Variants in MATN1 observed in about 807,000 individuals in gnomAD.
MATN1 encodes the protein matrilin-1.
MATN1 carries 34 observed loss-of-function variants against 41.3 expected under a neutral mutation model. The observed-to-expected ratio is 0.82, with a 90% CI of 0.63 to 1.10. The LOEUF (loss-of-function observed/expected upper bound fraction) is 1.10, where lower values mean the gene tolerates loss of function less well. MATN1 is among the 50% of genes least tolerant of loss of function. The probability of loss-of-function intolerance (pLI) is 0.00; values close to 1 mark genes in which losing one functional copy is unlikely to be tolerated. For missense variants in MATN1, 602 were observed against 662.4 expected, an observed-to-expected ratio of 0.91 and a Z score of 1.00; for synonymous variants, 264 against 278.7, an observed-to-expected ratio of 0.95 and a Z score of 0.53.
intron 6 of MATN1, 114 bp from the exon 7 acceptor site, chr1:30,714,441 G>T: frequency 1.2e-6 from 1 of 806,966 alleles, no homozygotes; most frequent in Non-Finnish European, 2.1e-6. Context: ...GAGGTGAGGG[G>T]CTTAAGGGAC....
At chr1:30,720,547 G>A (rs1458875931) in intron 2 of MATN1, 3 of 152,430 alleles carry the variant, frequency 2.0e-5, no homozygotes, top group East Asian at 1.9e-4. Context: ...TACCACCTCC[G>A]AGCAGAATCA....
chr1:30,716,685 G>A, intron 4 of MATN1, 105 bp downstream of exon 4: 1 of 1,436,606 alleles, frequency 7.0e-7, no homozygotes, highest in Non-Finnish European at 9.3e-7. Flanking sequence ...TTTGAAGATT[G>A]GTTCAGAGGT....
chr1:30,721,615 G>A lies in MATN1; in HGVS notation c.231C>T (p.Ala77=). Residue 77 remains alanine (A), a synonymous_variant, in exon 2 of 8, where the codon GCC becomes GCT. Transcript: ENST00000373765. ...VIESLDVGPN[A]TRVGMVNYAS... ...CATAGTTGACCATGCCCACCCGGGT[G>A]GCATTGGGCCCCACGTCCAGCGACT... 1.2e-6 allele frequency: 2 copies of A among 1,613,558 alleles called. No homozygotes were observed. The highest frequency in any genetic ancestry group is 1.7e-6 in the Non-Finnish European group (2 of 1,180,046).
intron 3 of MATN1, among the ~76,000 whole-genome samples, chr1:30,718,223 A>G (rs1225528620): frequency 7.2e-6 from 1 of 139,142 alleles, no homozygotes; most frequent in East Asian, 2.3e-4. Context: ...CCCGACGCTG[A>G]CTTTTTCTGT....
Position 30,718,856 on chromosome 1 carries a change from G to A in MATN1, c.543C>T (p.Gly181=). Residue 181 remains glycine (G), a synonymous_variant, in exon 3 of 8, where the codon GGC becomes GGT. Coordinates refer to ENST00000373765, the MANE Select transcript of MATN1 (RefSeq NM_002379.3). ...GCCGCAGCGTGGCCTTGTCCACGCT[G>A]CCCACTCCGATGGCGAACAGCTCGA... The part of the protein sequence containing the change: ...SGVELFAIGV[G]SVDKATLRQI... The A allele has an allele frequency of 6.2e-7, 1 of 1,606,834 alleles. No homozygotes were observed. The highest frequency in any genetic ancestry group is 8.5e-7 in the Non-Finnish European group (1 of 1,178,260).
At position 30,721,695 on chromosome 1, in the gene MATN1, T is replaced by C; in HGVS notation, c.151A>G (p.Ser51Gly). 6.2e-7 allele frequency: 1 copy of C among 1,613,106 alleles called. No individual in the cohort carries two copies. Among genetic ancestry groups the C allele is most frequent in the South Asian group, 1.1e-5 (1 of 91,078 alleles). ...DLVFVVDSSR[S>G]VRPVEFEKVK... ...TTCTCAAATTCAACAGGCCGAACGCTGCGAGAGCTGTCGACAACAAACACC... is the reference window on the plus strand; with the variant it reads ...TTCTCAAATTCAACAGGCCGAACGCCGCGAGAGCTGTCGACAACAAACACC... The change falls in exon 2 of 8, where the codon AGC (serine) becomes GGC (glycine). Residue 51 changes from serine to glycine, a missense_variant. By Grantham distance (56) the Ser-to-Gly change is moderately conservative. Transcript: ENST00000373765.
chr1:30,721,771 G>A lies in MATN1; in HGVS notation c.95-20C>T. Reference sequence around the variant, plus strand: ...GATGGCCTGGGAGTGGGGCAGGAGGGGTAAGGCAGAGAGCAGAGACACAGG... The same window carrying A: ...GATGGCCTGGGAGTGGGGCAGGAGGAGTAAGGCAGAGAGCAGAGACACAGG... On this transcript the variant is annotated intron_variant, in intron 1 of 7. Coordinates refer to ENST00000373765, the MANE Select transcript of MATN1 (RefSeq NM_002379.3). 6.3e-7 allele frequency: 1 copy of A among 1,588,184 alleles called. No individual in the cohort carries two copies. The highest frequency in any genetic ancestry group is 8.6e-7 in the Non-Finnish European group (1 of 1,166,656).
chr1:30,718,668 TGG>T, intron 3 of MATN1, 65 bp downstream of exon 3: 1 of 1,086,238 alleles, frequency 9.2e-7, no homozygotes, highest in Non-Finnish European at 1.2e-6. Flanking sequence ...CCTCCAGCCC[TGG>T]CCCCGCCCCG....
At chr1:30,714,385 G>A (rs1465238187) in intron 6 of MATN1, 58 bp from the exon 7 acceptor site, 1 of 1,413,200 alleles carries the variant, frequency 7.1e-7, no homozygotes, top group Non-Finnish European at 9.9e-7. Flanking sequence ...TGCCCAGGAG[G>A]AGGGAGGACA....
chr1:30,722,001 C>T (rs1183858069), intron 1 of MATN1, among the ~76,000 whole-genome samples: 1 of 152,148 alleles, frequency 6.6e-6, no homozygotes, highest in Non-Finnish European at 1.5e-5. Flanking sequence ...TGCTTCACTT[C>T]TCTGAGCCTC....
At position 30,718,727 on chromosome 1, in the gene MATN1, C is replaced by G. The variant is rs370222636; in HGVS notation, c.664+8G>C. 4.5e-6 allele frequency: 7 copies of G among 1,570,604 alleles called. No homozygotes were observed. The highest frequency in any genetic ancestry group is 5.2e-6 in the Non-Finnish European group (6 of 1,154,858). ...CTGCCCTGGCTCCGCCCCCGCCTGC[C>G]CGCGCACCGCAGAAGGCCTCCTGGA... On this transcript the variant is annotated splice_region_variant and intron_variant, in intron 3 of 7. Coordinates refer to ENST00000373765, the MANE Select transcript of MATN1 (RefSeq NM_002379.3).
In MATN1 at chr1:30,714,029, G is replaced by C; in HGVS notation, c.1441+218C>G. On this transcript the variant is annotated intron_variant, in intron 7 of 7. Transcript: ENST00000373765. The stretch of plus-strand genomic sequence containing the variant: ...GTGTGTGTCCAGTCCCTAGATCCTG[G>C]CTTCTGCCTCATTTTCTTGTTTACC... 5.0e-6 allele frequency: 3 copies of C among 595,150 alleles called. No individual in the cohort carries two copies. In the East Asian group the frequency reaches 8.3e-5, roughly 17 times the overall value. The allele number at this position is 595,150 out of a possible 1,614,324, so 36.9% of individuals were successfully genotyped here.
At chr1:30,717,074 G>A (rs1036933270) in intron 3 of MATN1, among the ~76,000 whole-genome samples, 159 bp from the exon 4 acceptor site, 8 of 152,212 alleles carry the variant, frequency 5.3e-5, no homozygotes, top group African/African-American at 1.9e-4. Context: ...CTCAGCCCAC[G>A]TCTGGAATCA....
In MATN1 at chr1:30,711,372, G is replaced by A. The variant is rs1042609032; in HGVS notation, c.*2210C>T. On this transcript the variant is annotated 3_prime_UTR_variant, in exon 8 of 8. Transcript: ENST00000373765. Reference sequence around the variant, plus strand: ...CTGTCAGTAGACCATGGCTGCCCTCGGGAGATGCTGGTTTTCATTTACAAC... The same window carrying A: ...CTGTCAGTAGACCATGGCTGCCCTCAGGAGATGCTGGTTTTCATTTACAAC... 6 of 152,160 alleles carry A rather than the reference G, an allele frequency of 3.9e-5. No individual in the cohort carries two copies. Among genetic ancestry groups the A allele is most frequent in the African/African-American group, 9.7e-5 (4 of 41,422 alleles). The allele number at this position is 152,160 out of a possible 1,614,324, so 9.4% of individuals were successfully genotyped here.
In MATN1 at chr1:30,721,648, C is replaced by G; in HGVS notation, c.198G>C (p.Gln66His). 6.2e-7 allele frequency: 1 copy of G among 1,613,498 alleles called. No homozygotes were observed. The highest frequency in any genetic ancestry group is 8.5e-7 in the Non-Finnish European group (1 of 1,180,034). ...EFEKVKVFLS[Q>H]VIESLDVGPN... ...GCCCCACGTCCAGCGACTCGATGACCTGGGACAGGAATACCTTCACTTTCT... is the reference window on the plus strand; with the variant it reads ...GCCCCACGTCCAGCGACTCGATGACGTGGGACAGGAATACCTTCACTTTCT... The change falls in exon 2 of 8, where the codon CAG (glutamine) becomes CAC (histidine). Residue 66 changes from glutamine (Q) to histidine (H), a missense_variant. Gln to His is a conservative substitution (Grantham distance 24, BLOSUM62 0). Transcript: ENST00000373765.
At position 30,721,466 on chromosome 1, in the gene MATN1, G is replaced by A. The variant is rs775819396; in HGVS notation, c.380C>T (p.Ala127Val). ...TGCATCGCCGAAGGCTTTGGTGATAGCGAACTGGATGGCCAGGCCGGTCAT... is the reference window on the plus strand; with the variant it reads ...TGCATCGCCGAAGGCTTTGGTGATAACGAACTGGATGGCCAGGCCGGTCAT... ...GTMTGLAIQF[A>V]ITKAFGDAEG... The change falls in exon 2 of 8, where the codon GCT (alanine) becomes GTT (valine). Residue 127 changes from alanine (A) to valine (V), a missense_variant. By Grantham distance (64) the Ala-to-Val change is moderately conservative. Coordinates refer to ENST00000373765, the MANE Select transcript of MATN1 (RefSeq NM_002379.3). 4 of 1,613,582 alleles carry A rather than the reference G, an allele frequency of 2.5e-6. No homozygotes were observed. Among genetic ancestry groups the A allele is most frequent in the Non-Finnish European group, 3.4e-6 (4 of 1,180,018 alleles).
intron 1 of MATN1, among the ~76,000 whole-genome samples, chr1:30,723,022 C>T (rs1490588598): frequency 6.6e-6 from 1 of 152,182 alleles, no homozygotes; most frequent in African/African-American, 2.4e-5. Flanking sequence ...TTCCAGGACT[C>T]AGTGCCCAAA....
Position 30,717,642 on chromosome 1 carries a change from G to GTTTTTTTTTTTTTTTTTTTTTTTTTTT in MATN1, c.665-728_665-727insAAAAAAAAAAAAAAAAAAAAAAAAAAA, listed in dbSNP as rs751915676. The stretch of plus-strand genomic sequence containing the variant: ...GGCTCTGTTGTTTTTTGTGTGTGCG[G>GTTTTTTTTTTTTTTTTTTTTTTTTTTT]TTTTTTTTTTTGTTTTGTTTTTTTT... On this transcript the variant is annotated intron_variant, in intron 3 of 7. Transcript: ENST00000373765. 1.8e-5 allele frequency among the ~76,000 whole-genome samples: 2 copies of GTTTTTTTTTTTTTTTTTTTTTTTTTTT among 109,992 alleles called. 1 individual carries two copies. The allele number at this position is 109,992 out of a possible 152,430, so 72.2% of individuals were successfully genotyped here.
rs769705013 is a variant in MATN1, at chr1:30,723,470, G to A, written c.82C>T (p.Pro28Ser). 3 of 1,523,244 alleles carry A rather than the reference G, an allele frequency of 2.0e-6. No individual in the cohort carries two copies. Among genetic ancestry groups the A allele is most frequent in the Non-Finnish European group, 2.6e-6 (3 of 1,135,420 alleles). 94.4% of individuals were successfully genotyped at this position (1,523,244 alleles called of 1,614,324 possible). A position where few individuals can be genotyped will look rare whatever the true frequency, so the allele number is the denominator to read the frequency against. ...LQALCSPGLAPQSRGHLCRTR... is the reference protein window; with the variant it reads ...LQALCSPGLASQSRGHLCRTR... ...CAAGCCCCCTCACCTCTGGACTGGGGGGCGAGGCCAGGGCTGCACAGGGCC... is the reference window on the plus strand; with the variant it reads ...CAAGCCCCCTCACCTCTGGACTGGGAGGCGAGGCCAGGGCTGCACAGGGCC... The change falls in exon 1 of 8, where the codon CCC becomes TCC. Residue 28 changes from proline to serine, a missense_variant. By Grantham distance (74) the Pro-to-Ser change is moderately conservative. Transcript: ENST00000373765.
Sources: gnomAD v4.1 joint callset for allele counts (sites outside exome capture counted in the v4.1 genomes callset) on GRCh38, gnomAD v4.1.1 for gene constraint, MANE v1.5 for transcripts, NCBI Gene and HGNC (gene_info 2026-07-23, HGNC 2026-07-21) for gene names.